TACC2: variants seen among roughly 807,000 people sequenced by gnomAD.
TACC2 encodes transforming acidic coiled-coil-containing protein 2.
Under a neutral mutation model 227.3 loss-of-function variants are expected in TACC2, and 137 were observed. The observed-to-expected ratio is 0.60, with a 90% CI of 0.52 to 0.69. The LOEUF (loss-of-function observed/expected upper bound fraction) is 0.69, where lower values mean the gene tolerates loss of function less well. Ranked by LOEUF, TACC2 falls within the 30% of genes least tolerant of loss-of-function variation. TACC2 has a pLI of 0.00. For synonymous variants in TACC2, 1,523 were observed against 1,487.5 expected (o/e 1.02, Z -0.55); for missense variants, 3,470 against 3,694.4 (o/e 0.94, Z 1.57).
intron 8 of TACC2, among the ~76,000 whole-genome samples, chr10:122,203,391 A>C (rs528756073): frequency 2.7e-5 from 4 of 146,122 alleles, no homozygotes; most frequent in African/African-American, 5.2e-5. Context: ...TCCCTCCCGG[A>C]CGGGGCGGCT....
chr10:122,247,633 G>A (rs2141881268), intron 19 of TACC2: 1 of 152,326 alleles, frequency 6.6e-6, no homozygotes, highest in Admixed American at 6.5e-5. Context: ...TTGTCCTCAG[G>A]GAATTAATGC....
At chr10:122,239,665 C>T (rs906237270) in intron 18 of TACC2, among the ~76,000 whole-genome samples, 6 of 152,128 alleles carry the variant, frequency 3.9e-5, no homozygotes, top group African/African-American at 1.4e-4. Flanking sequence ...CTCCTGGGAG[C>T]TTTGCCTTCT....
chr10:122,193,037 C>G (rs1022228295), intron 7 of TACC2, among the ~76,000 whole-genome samples: 1 of 152,232 alleles, frequency 6.6e-6, no homozygotes, highest in African/African-American at 2.4e-5. Flanking sequence ...CTTTCCTTCT[C>G]CCCATAGACA....
intron 16 of TACC2, among the ~76,000 whole-genome samples, chr10:122,234,344 T>A (rs962446879): frequency 2.6e-5 from 4 of 152,248 alleles, no homozygotes; most frequent in African/African-American, 9.6e-5. Context: ...GGTTGGAAAT[T>A]GGTTACAAAG....
At chr10:122,060,200 C>T (rs2459090) in intron 3 of TACC2, among the ~76,000 whole-genome samples, 88,534 of 151,912 alleles carry the variant, frequency 0.58, 26,487 homozygotes, top group Non-Finnish European at 0.65. Context: ...CCTGATCAGC[C>T]AAGCCTGGAC....
chr10:122,125,776 C>CTTT (rs67882679), intron 5 of TACC2, among the ~76,000 whole-genome samples: 5,978 of 117,092 alleles, frequency 0.051, 343 homozygotes, highest in Admixed American at 0.1. Flanking sequence ...AATATCCTTC[C>CTTT]TTTTTTTTTT....
At chr10:122,001,242 T>C (rs1470441995) in intron 1 of TACC2, among the ~76,000 whole-genome samples, 1 of 152,224 alleles carries the variant, frequency 6.6e-6, no homozygotes, top group African/African-American at 2.4e-5. Flanking sequence ...AGGTAATTTA[T>C]AAAGGAAAGA....
chr10:122,116,537 C>G (rs986310493), intron 5 of TACC2, among the ~76,000 whole-genome samples: 2 of 152,190 alleles, frequency 1.3e-5, no homozygotes, highest in East Asian at 1.9e-4. Context: ...CACCTTCCTT[C>G]TCGTGGATGG....
intron 11 of TACC2, 135 bp downstream of exon 11, chr10:122,216,963 C>G (rs1367505937): frequency 7.9e-6 from 12 of 1,516,984 alleles, no homozygotes; most frequent in Non-Finnish European, 8.9e-6. Flanking sequence ...TGCACGTCTC[C>G]CGCTGCACTT....
intron 5 of TACC2, among the ~76,000 whole-genome samples, chr10:122,089,722 A>G (rs1000342247): frequency 6.6e-6 from 1 of 151,770 alleles, no homozygotes; most frequent in Non-Finnish European, 1.5e-5. Flanking sequence ...TACCCTACCA[A>G]ACAGCTGCAG....
chr10:122,063,379 C>T (rs2077047184), intron 3 of TACC2, among the ~76,000 whole-genome samples: 2 of 152,170 alleles, frequency 1.3e-5, no homozygotes, highest in Admixed American at 1.3e-4. Context: ...GCTTCTGACT[C>T]ATTATTTATC....
chr10:122,231,878 C>G (rs966989974), intron 16 of TACC2, among the ~76,000 whole-genome samples: 2 of 152,210 alleles, frequency 1.3e-5, no homozygotes, highest in African/African-American at 4.8e-5. Flanking sequence ...CCTGGCCTGC[C>G]TGCCTGGAGT....
intron 3 of TACC2, among the ~76,000 whole-genome samples, chr10:122,064,024 C>T (rs113872039): frequency 1.1e-4 from 16 of 151,766 alleles, no homozygotes; most frequent in African/African-American, 3.9e-4. Context: ...TAGCCGGGCG[C>T]GGTGGTGTAT....
chr10:122,199,287 C>A (rs2094696172), intron 8 of TACC2, among the ~76,000 whole-genome samples: 1 of 152,256 alleles, frequency 6.6e-6, no homozygotes, highest in Non-Finnish European at 1.5e-5. Context: ...ACTCGTTGTG[C>A]TCTAAGTGGC....
chr10:122,059,033 C>G (rs1400071374), intron 3 of TACC2, among the ~76,000 whole-genome samples: 7 of 149,810 alleles, frequency 4.7e-5, no homozygotes, highest in African/African-American at 9.8e-5. Flanking sequence ...GCTGGGATTA[C>G]AGGCGCCTGC....
chr10:122,045,980 T>G (rs2074933674), intron 2 of TACC2, among the ~76,000 whole-genome samples: 1 of 152,084 alleles, frequency 6.6e-6, no homozygotes. Context: ...GAGACCAGCC[T>G]GCCAACATGG....
intron 1 of TACC2, among the ~76,000 whole-genome samples, chr10:121,995,097 G>A (rs1489977021): frequency 5.3e-5 from 8 of 152,164 alleles, no homozygotes; most frequent in South Asian, 2.1e-4. Context: ...AGGCCCTGAG[G>A]GTTTGTAGGA....
At chr10:122,112,331 A>T (rs2083752958) in intron 5 of TACC2, among the ~76,000 whole-genome samples, 1 of 152,194 alleles carries the variant, frequency 6.6e-6, no homozygotes, top group Non-Finnish European at 1.5e-5. Context: ...CTTAAAGGAA[A>T]ACAGACCTCA....
At chr10:121,990,489 G>A (rs1952983838) in intron 1 of TACC2, among the ~76,000 whole-genome samples, 1 of 151,974 alleles carries the variant, frequency 6.6e-6, no homozygotes, top group African/African-American at 2.4e-5. Context: ...TTATGGCACG[G>A]GGCCAGGCAG....
Sources: allele counts gnomAD v4.1 joint callset (sites outside exome capture counted in the v4.1 genomes callset), GRCh38; gene constraint gnomAD v4.1.1; transcripts MANE v1.5; gene names NCBI Gene and HGNC (gene_info 2026-07-23, HGNC 2026-07-21).